The following LPGAT1 variants were observed in gnomAD, a reference collection of about 807,000 sequenced individuals.
LPGAT1 encodes the protein acyl-CoA:lysophosphatidylglycerol acyltransferase 1.
A neutral mutation model predicts 47.5 loss-of-function variants in LPGAT1; 11 were observed. That is an observed-to-expected ratio of 0.23 (90% CI 0.15 to 0.38). The LOEUF (loss-of-function observed/expected upper bound fraction) is 0.38. LPGAT1 is among the 10% of genes least tolerant of loss of function. The probability of loss-of-function intolerance (pLI) is 1.00; values close to 1 mark genes in which losing one functional copy is unlikely to be tolerated. For synonymous variants in LPGAT1, 138 were observed against 144.2 expected (o/e 0.96, Z 0.31); for missense variants, 293 against 439.0 (o/e 0.67, Z 2.97).
chr1:211,789,898 C>G (rs1219266001), intron 3 of LPGAT1, among the ~76,000 whole-genome samples: 3 of 149,988 alleles, frequency 2.0e-5, no homozygotes, highest in Admixed American at 2.0e-4. Flanking sequence ...CCAACACTTT[C>G]AGAAAACACA....
At chr1:211,804,334 G>A (rs944467373) in intron 2 of LPGAT1, among the ~76,000 whole-genome samples, 16 of 152,144 alleles carry the variant, frequency 1.1e-4, no homozygotes, top group African/African-American at 3.9e-4. Flanking sequence ...ACAGGTGTGA[G>A]CCACTACACC....
intron 2 of LPGAT1, among the ~76,000 whole-genome samples, chr1:211,818,024 G>A (rs576610194): frequency 3.9e-5 from 6 of 152,040 alleles, no homozygotes; most frequent in South Asian, 4.2e-4. Context: ...TAGCAGAGAC[G>A]GGTTTTCACC....
At chr1:211,824,268 T>C (rs1660463411) in intron 2 of LPGAT1, among the ~76,000 whole-genome samples, 1 of 152,008 alleles carries the variant, frequency 6.6e-6, no homozygotes, top group Non-Finnish European at 1.5e-5. Flanking sequence ...CGGTGGTGGA[T>C]ACCTGTAATC....
At chr1:211,820,238 A>G (rs1341866883) in intron 2 of LPGAT1, among the ~76,000 whole-genome samples, 25 of 152,212 alleles carry the variant, frequency 1.6e-4, no homozygotes, top group Admixed American at 1.6e-3. Flanking sequence ...CAAACCTCCT[A>G]CAAATAACAG....
intron 6 of LPGAT1, among the ~76,000 whole-genome samples, chr1:211,755,210 C>T (rs904086631): frequency 2.6e-5 from 4 of 151,632 alleles, no homozygotes; most frequent in Admixed American, 1.3e-4. Flanking sequence ...TGGCAGCATG[C>T]GCCTGTAGTC....
At chr1:211,756,754 A>C (rs1657472904) in intron 6 of LPGAT1, among the ~76,000 whole-genome samples, 2 of 152,086 alleles carry the variant, frequency 1.3e-5, no homozygotes, top group African/African-American at 4.8e-5. Context: ...TTCAAACTAA[A>C]CATTTTTCCT....
intron 2 of LPGAT1, among the ~76,000 whole-genome samples, chr1:211,794,689 T>C (rs913855871): frequency 1.1e-4 from 17 of 152,198 alleles, no homozygotes; most frequent in Non-Finnish European, 1.6e-4. Context: ...TTTTTTGATA[T>C]GAATTATCAA....
chr1:211,821,436 A>C (rs1240384036), intron 2 of LPGAT1, among the ~76,000 whole-genome samples: 2 of 152,250 alleles, frequency 1.3e-5, no homozygotes, highest in African/African-American at 2.4e-5. Context: ...TAAAGAATTA[A>C]GACAAAAACA....
intron 2 of LPGAT1, among the ~76,000 whole-genome samples, chr1:211,827,995 A>G (rs1182990595): frequency 6.6e-6 from 1 of 152,242 alleles, no homozygotes; most frequent in East Asian, 1.9e-4. Flanking sequence ...GCTGTATACT[A>G]TCAGTCCTTC....
At chr1:211,772,936 T>C (rs1054495084) in intron 6 of LPGAT1, among the ~76,000 whole-genome samples, 1 of 152,234 alleles carries the variant, frequency 6.6e-6, no homozygotes, top group African/African-American at 2.4e-5. Context: ...GGTTTAGGCA[T>C]AAGATTATGA....
rs1355112104 is a variant in LPGAT1, at chr1:211,746,978, A to C, written c.*2921T>G. 1.3e-5 allele frequency: 2 copies of C among 152,204 alleles called. No homozygotes were observed. Among genetic ancestry groups the C allele is most frequent in the African/African-American group, 4.8e-5 (2 of 41,454 alleles). The allele number at this position is 152,204 out of a possible 1,614,324, so 9.4% of individuals were successfully genotyped here. A position where few individuals can be genotyped will look rare whatever the true frequency, so the allele number is the denominator to read the frequency against. On this transcript the variant is annotated 3_prime_UTR_variant, in exon 8 of 8. Coordinates refer to ENST00000366997, the MANE Select transcript of LPGAT1 (RefSeq NM_014873.3). ...GATTCTCAACCTTGTCTGCTGTGGG[A>C]ATCTAGGCAGTCTAGCCAAGACCAA... is the stretch of plus-strand genomic sequence containing the variant.
chr1:211,808,990 G>A (rs1659863937), intron 2 of LPGAT1, among the ~76,000 whole-genome samples: 1 of 151,468 alleles, frequency 6.6e-6, no homozygotes, highest in Non-Finnish European at 1.5e-5. Context: ...GAGGTCAGGA[G>A]ATCGAGACCA....
At chr1:211,750,760 ACACT>A (rs999314006) in intron 7 of LPGAT1, among the ~76,000 whole-genome samples, 197 bp downstream of exon 7, 1 of 152,236 alleles carries the variant, frequency 6.6e-6, no homozygotes, top group Non-Finnish European at 1.5e-5. Context: ...CATCTTGATA[ACACT>A]CATCAGCATT....
intron 6 of LPGAT1, among the ~76,000 whole-genome samples, chr1:211,762,901 C>A (rs531309806): frequency 6.6e-6 from 1 of 152,248 alleles, no homozygotes; most frequent in African/African-American, 2.4e-5. Flanking sequence ...ATGGCTAAAC[C>A]CTCAATTCAA....
intron 1 of LPGAT1, chr1:211,829,937 G>C (rs895867875): frequency 3.0e-6 from 3 of 985,256 alleles, no homozygotes; most frequent in Admixed American, 6.2e-5. Flanking sequence ...AAGAAAGTAG[G>C]GGGTTATAAT....
intron 6 of LPGAT1, among the ~76,000 whole-genome samples, chr1:211,756,458 G>A (rs1403376690): frequency 6.6e-6 from 1 of 152,110 alleles, no homozygotes; most frequent in Admixed American, 6.5e-5. Flanking sequence ...AGCCTGAGTA[G>A]CTGGGACCAC....
In LPGAT1 at chr1:211,751,077, G is replaced by A. The variant is rs75245874; in HGVS notation, c.855-10C>T. 4.5e-3 allele frequency: 7,022 copies of A among 1,559,904 alleles called. 256 individuals are homozygous for A. The African/African-American group carries it at 0.079, about 18-fold the overall frequency. ...TTTAATTGGAAAGATCCTATTAAGGGTTAGAAGAAAAGAACAAAAACTATT... is the reference window on the plus strand; with the variant it reads ...TTTAATTGGAAAGATCCTATTAAGGATTAGAAGAAAAGAACAAAAACTATT... On this transcript the variant is annotated splice_polypyrimidine_tract_variant and intron_variant, in intron 6 of 7. Transcript: ENST00000366997.
intron 2 of LPGAT1, among the ~76,000 whole-genome samples, chr1:211,812,716 T>C (rs954818121): frequency 2.0e-4 from 30 of 152,214 alleles, no homozygotes; most frequent in African/African-American, 7.0e-4. Flanking sequence ...ACTCGAGTCC[T>C]TGTGTAACAG....
intron 2 of LPGAT1, among the ~76,000 whole-genome samples, chr1:211,801,909 A>G (rs1659588433): frequency 6.6e-6 from 1 of 151,856 alleles, no homozygotes; most frequent in Admixed American, 6.6e-5. Context: ...GTGAAACCCC[A>G]TCTCTACTAA....
Sources: gnomAD v4.1 joint callset for allele counts (sites outside exome capture counted in the v4.1 genomes callset) on GRCh38, gnomAD v4.1.1 for gene constraint, MANE v1.5 for transcripts, NCBI Gene and HGNC (gene_info 2026-07-23, HGNC 2026-07-21) for gene names.